The following ROBO2 variants were observed in gnomAD, a reference collection of about 807,000 sequenced individuals.
ROBO2 encodes roundabout homolog 2.
A neutral mutation model predicts 160.8 loss-of-function variants in ROBO2; 53 were observed. That is an observed-to-expected ratio of 0.33 (90% CI 0.26 to 0.41). The LOEUF (loss-of-function observed/expected upper bound fraction) is 0.41. Among genes scored for constraint, ROBO2 ranks in the 10% least tolerant of loss-of-function variants. The pLI, the probability that ROBO2 is intolerant of heterozygous loss-of-function variation, is 1.00. For missense variants in ROBO2, 1,577 were observed against 1,722.4 expected, an observed-to-expected ratio of 0.92 and a Z score of 1.49; for synonymous variants, 664 against 611.7, an observed-to-expected ratio of 1.09 and a Z score of -1.26.
At chr3:76,984,601 C>T (rs768575961) in intron 2 of ROBO2, among the ~76,000 whole-genome samples, 14 of 152,144 alleles carry the variant, frequency 9.2e-5, no homozygotes, top group Non-Finnish European at 1.9e-4. Flanking sequence ...GGTTTGCCAT[C>T]CTCCTAGAAA....
At chr3:77,644,656 C>CTCCATGTT in intron 24 of ROBO2, 48 bp from the exon 27 acceptor site, 1 of 1,555,720 alleles carries the variant, frequency 6.4e-7, no homozygotes, top group Non-Finnish European at 8.9e-7. Flanking sequence ...TTTAGTTTGC[C>CTCCATGTT]TCCATGTTTC....
At chr3:76,807,698 G>A (rs967848164) in intron 2 of ROBO2, among the ~76,000 whole-genome samples, 4 of 151,990 alleles carry the variant, frequency 2.6e-5, no homozygotes, top group Non-Finnish European at 5.9e-5. Context: ...CTCTTGTAAA[G>A]GAGTATGCAT....
chr3:76,808,074 A>C (rs535304359), intron 2 of ROBO2, among the ~76,000 whole-genome samples: 1 of 152,268 alleles, frequency 6.6e-6, no homozygotes, highest in Non-Finnish European at 1.5e-5. Flanking sequence ...GAATTATAAT[A>C]AATATAATGT....
At chr3:76,610,742 A>G (rs1165344855) in intron 2 of ROBO2, among the ~76,000 whole-genome samples, 1 of 151,758 alleles carries the variant, frequency 6.6e-6, no homozygotes, top group Non-Finnish European at 1.5e-5. Context: ...AGCGAGCAGG[A>G]GCATGTCACA....
intron 2 of ROBO2, among the ~76,000 whole-genome samples, chr3:77,378,804 G>C (rs1442093986): frequency 6.6e-6 from 1 of 152,078 alleles, no homozygotes. Context: ...AATTACTTCT[G>C]CATAGATGCC....
chr3:76,141,450 A>T (rs1054063906), intron 2 of ROBO2, among the ~76,000 whole-genome samples: 1 of 151,190 alleles, frequency 6.6e-6, no homozygotes, highest in Non-Finnish European at 1.5e-5. Flanking sequence ...TTTTTTAATG[A>T]AAAGTTTAAA....
intron 2 of ROBO2, among the ~76,000 whole-genome samples, chr3:76,250,631 A>G (rs1015274488): frequency 1.3e-5 from 2 of 152,040 alleles, no homozygotes; most frequent in Non-Finnish European, 2.9e-5. Context: ...CAGTTTACTC[A>G]AGGGTGAAAT....
At chr3:76,666,129 T>C (rs1444313962) in intron 2 of ROBO2, among the ~76,000 whole-genome samples, 3 of 150,700 alleles carry the variant, frequency 2.0e-5, no homozygotes, top group Non-Finnish European at 4.4e-5. Flanking sequence ...ATAGCTATTG[T>C]AGATGTTTTT....
At chr3:77,062,775 CA>C (rs1224860320) in intron 1 of ROBO2, among the ~76,000 whole-genome samples, 2 of 151,804 alleles carry the variant, frequency 1.3e-5, no homozygotes, top group African/African-American at 2.4e-5. Flanking sequence ...GCAAGACACA[CA>C]AAAAAAATGC....
chr3:76,236,254 T>G (rs879704493), intron 2 of ROBO2, among the ~76,000 whole-genome samples: 1 of 152,164 alleles, frequency 6.6e-6, no homozygotes, highest in Non-Finnish European at 1.5e-5. Flanking sequence ...ACATTCTAAT[T>G]ATTACAAAGC....
intron 2 of ROBO2, among the ~76,000 whole-genome samples, chr3:76,805,671 CGT>C (rs71673124): frequency 0.013 from 1,854 of 146,282 alleles, 32 homozygotes; most frequent in African/African-American, 0.041. Context: ...TATTGGAATA[CGT>C]GTGTGTGTGT....
chr3:77,506,816 T>G (rs149424977), intron 5 of ROBO2, among the ~76,000 whole-genome samples: 17 of 152,290 alleles, frequency 1.1e-4, no homozygotes, highest in Admixed American at 9.8e-4. Context: ...TAATAGAATA[T>G]AATTCACTGA....
chr3:77,593,267 C>A (rs1443478896), intron 17 of ROBO2, among the ~76,000 whole-genome samples: 1 of 150,870 alleles, frequency 6.6e-6, no homozygotes, highest in African/African-American at 2.4e-5. Context: ...AGCTAATTAG[C>A]TATACTGTTT....
At chr3:77,268,046 C>T (rs1240614096) in intron 2 of ROBO2, among the ~76,000 whole-genome samples, 1 of 152,168 alleles carries the variant, frequency 6.6e-6, no homozygotes, top group East Asian at 1.9e-4. Flanking sequence ...CTGTTCCCTG[C>T]TGGGTATTCA....
intron 2 of ROBO2, among the ~76,000 whole-genome samples, chr3:76,514,260 T>A (rs2081244971): frequency 6.6e-6 from 1 of 152,170 alleles, no homozygotes. Context: ...TGATCAGATT[T>A]GGTTCAAGAT....
chr3:76,389,043 G>T (rs2077027407), intron 2 of ROBO2, among the ~76,000 whole-genome samples: 3 of 152,186 alleles, frequency 2.0e-5, no homozygotes, highest in African/African-American at 4.8e-5. Flanking sequence ...ACATAGAAAA[G>T]GTTATTGCCC....
intron 2 of ROBO2, chr3:76,434,582 T>G: frequency 6.3e-7 from 1 of 1,584,974 alleles, no homozygotes; most frequent in Non-Finnish European, 8.7e-7. Flanking sequence ...GCTGCAGGCT[T>G]ACATTAAGGA....
chr3:76,476,544 G>A lies in ROBO2; in HGVS notation c.109+538942G>A, dbSNP rs546916602. Among the ~76,000 whole-genome samples, 3 of 152,208 alleles carry A rather than the reference G, an allele frequency of 2.0e-5. No homozygotes were observed. In the South Asian group the frequency reaches 6.2e-4, roughly 32 times the overall value. ...GGACAGATTATTGCTTTGAGCTGCT[G>A]CTTATTTGAAGAAATATCTTATGGA... On this transcript the variant is annotated intron_variant, in intron 2 of 26. Transcript: ENST00000487694.
intron 1 of ROBO2, among the ~76,000 whole-genome samples, chr3:75,909,487 A>C (rs1027192378): frequency 1.3e-5 from 2 of 152,238 alleles, no homozygotes; most frequent in Admixed American, 1.3e-4. Context: ...GTTATACACA[A>C]CTTTGCATCT....
Sources: gnomAD v4.1 joint callset for allele counts (sites outside exome capture counted in the v4.1 genomes callset) on GRCh38, gnomAD v4.1.1 for gene constraint, MANE v1.5 for transcripts, NCBI Gene and HGNC (gene_info 2026-07-23, HGNC 2026-07-21) for gene names.